The following STAG3 variants were observed in gnomAD, a reference collection of about 807,000 sequenced individuals.
STAG3 encodes cohesin subunit SA-3.
A neutral mutation model predicts 160.7 loss-of-function variants in STAG3; 101 were observed. The observed-to-expected ratio is 0.63, with a 90% CI of 0.54 to 0.74. The LOEUF is 0.74. Among genes scored for constraint, STAG3 ranks in the 30% least tolerant of loss-of-function variants. STAG3 has a pLI of 0.00. For missense variants in STAG3, 1,188 were observed against 1,517.4 expected (o/e 0.78, Z 3.61); for synonymous variants, 519 against 585.0 (o/e 0.89, Z 1.63).
At chr7:100,217,387 C>G (rs1462056486), downstream of STAG3, among the ~76,000 whole-genome samples, 1 of 152,216 alleles carries the variant, frequency 6.6e-6, no homozygotes, top group Admixed American at 6.5e-5. Flanking sequence ...AGGTAGCAGG[C>G]ATGGAGGCCT....
At chr7:100,203,385 C>T (rs1482271523) in intron 25 of STAG3, among the ~76,000 whole-genome samples, 2 of 151,998 alleles carry the variant, frequency 1.3e-5, no homozygotes, top group African/African-American at 4.8e-5. Flanking sequence ...AGGGTTTCAC[C>T]ATCGCCAGGA....
intron 13 of STAG3, 57 bp downstream of exon 13, chr7:100,198,639 A>T (rs1028932975): frequency 2.5e-5 from 38 of 1,521,436 alleles, no homozygotes; most frequent in Middle Eastern, 4.6e-4. Context: ...TCTCTCCTCC[A>T]TCTGCTGCTG....
intron 4 of STAG3, among the ~76,000 whole-genome samples, chr7:100,184,759 C>T (rs1477972221): frequency 1.3e-5 from 2 of 152,022 alleles, no homozygotes; most frequent in Non-Finnish European, 2.9e-5. Context: ...AGCCACCATG[C>T]CTGGCCTTTT....
rs181639718 is a variant in STAG3, at chr7:100,190,076, C to G, written c.867+480C>G. Among the ~76,000 whole-genome samples the G allele has an allele frequency of 4.6e-4, 70 of 152,306 alleles. 1 individual carries two copies. The highest frequency in any genetic ancestry group is 3.4e-3 in the Middle Eastern group (1 of 294). ...CTAGCTCCATAGCCTTATGTAACCT[C>G]TCTTCAGTTTTCTTTTCTTTAAAAA... On this transcript the variant is annotated intron_variant, in intron 8 of 33. Transcript: ENST00000615138.
intron 2 of STAG3, 71 bp downstream of exon 2, chr7:100,180,743 G>T (rs895738001): frequency 2.2e-6 from 2 of 928,028 alleles, no homozygotes; most frequent in East Asian, 4.8e-5. Context: ...TTCCCACATT[G>T]ATGATAATAT....
intron 26 of STAG3, 125 bp downstream of exon 26, chr7:100,204,247 G>A (rs528500571): frequency 4.2e-5 from 30 of 707,532 alleles, no homozygotes; most frequent in African/African-American, 3.9e-4. Flanking sequence ...TTAACTTTAC[G>A]TGATAGGTTC....
chr7:100,198,015 C>T (rs1800801657), intron 11 of STAG3, 72 bp from the exon 12 acceptor site: 2 of 1,566,520 alleles, frequency 1.3e-6, no homozygotes, highest in Non-Finnish European at 1.8e-6. Context: ...CTTTAGGAGT[C>T]TCTGATTCTA....
At chr7:100,204,510 A>G (rs1256704845) in intron 26 of STAG3, 117 bp from the exon 27 acceptor site, 51 of 1,278,662 alleles carry the variant, frequency 4.0e-5, no homozygotes, top group Non-Finnish European at 5.3e-5. Context: ...AAAGAGTAAA[A>G]GTAGTAGATG....
chr7:100,187,269 T>A (rs1800068268), intron 5 of STAG3, among the ~76,000 whole-genome samples: 1 of 152,088 alleles, frequency 6.6e-6, no homozygotes, highest in African/African-American at 2.4e-5. Context: ...GCGATCCCCC[T>A]GCCTCGACCT....
intron 8 of STAG3, among the ~76,000 whole-genome samples, chr7:100,192,622 G>A (rs1268744246): frequency 2.0e-5 from 3 of 152,288 alleles, no homozygotes; most frequent in East Asian, 1.9e-4. Context: ...ACAGGGTCTC[G>A]CTCTGTTGCC....
intron 25 of STAG3, among the ~76,000 whole-genome samples, chr7:100,203,237 T>C (rs1301305779): frequency 1.3e-5 from 2 of 151,376 alleles, no homozygotes; most frequent in Admixed American, 1.3e-4. Context: ...CAGGCTAGAA[T>C]GCAATGGCAC....
rs754494599 is a variant in STAG3, at chr7:100,197,168, T to C, written c.954T>C (p.Pro318=). Residue 318 remains proline, a synonymous_variant, in exon 10 of 34, where the codon CCT becomes CCC. Coordinates refer to ENST00000615138, the MANE Select transcript of STAG3 (RefSeq NM_001282717.2). ...TGTCTGTGTCTAGGGATGTCCTTCC[T>C]GAGATCCGTGCTATCTGCATTGAGG... is the stretch of plus-strand genomic sequence containing the variant. ...VFVHRYRDVL[P]EIRAICIEEI... is the part of the protein sequence containing the mutation. The C allele has an allele frequency of 1.4e-5, 22 of 1,600,980 alleles. No individual in the cohort carries two copies. In the Admixed American group the frequency reaches 2.0e-4, roughly 15 times the overall value.
In STAG3 at chr7:100,202,483, G is replaced by C. The variant is rs942527626; in HGVS notation, c.2593G>C (p.Glu865Gln). The C allele has an allele frequency of 1.2e-6, 2 of 1,614,144 alleles. No individual in the cohort carries two copies. The highest frequency in any genetic ancestry group is 1.7e-6 in the Non-Finnish European group (2 of 1,180,004). Residue 865 changes from glutamate (E) to glutamine (Q), a missense_variant, in exon 25 of 34, where the codon GAG becomes CAG. Transcript: ENST00000615138. ...GDSQEDHLQI[E>Q]RLHQRRRLLA... ...TTCCCAGGAGGATCATTTACAGATA[G>C]AGCGGCTACACCAGCGGCGCCGCCT...
chr7:100,190,798 T>A (rs1398950019), intron 8 of STAG3, among the ~76,000 whole-genome samples: 15 of 152,204 alleles, frequency 9.9e-5, no homozygotes, highest in Non-Finnish European at 5.9e-5. Context: ...CTAGCTTATT[T>A]CCCCATTTTC....
chr7:100,188,830 C>T lies in STAG3; in HGVS notation c.529C>T (p.Leu177Phe). The change falls in exon 7 of 34, where the codon CTC becomes TTC. Residue 177 changes from leucine (L) to phenylalanine (F), a missense_variant. Physicochemically the swap from Leu to Phe is conservative, Grantham distance 22. Coordinates refer to ENST00000615138, the MANE Select transcript of STAG3 (RefSeq NM_001282717.2). ...QFNEDSGDYP[L>F]IAPGPSWKKF... ...TTTGTAGGACTCGGGGGACTACCCT[C>T]TCATAGCTCCAGGTCCATCCTGGAA... 6.2e-7 allele frequency: 1 copy of T among 1,614,146 alleles called. No homozygotes were observed.
At chr7:100,188,729 C>T (rs1800177076) in intron 6 of STAG3, 83 bp from the exon 7 acceptor site, 1 of 1,386,054 alleles carries the variant, frequency 7.2e-7, no homozygotes, top group Non-Finnish European at 1.0e-6. Flanking sequence ...TTTTACTGGA[C>T]TGTTGAGTTT....
At chr7:100,201,190 C>G in intron 20 of STAG3, 30 bp downstream of exon 20, 1 of 1,614,090 alleles carries the variant, frequency 6.2e-7, no homozygotes, top group Non-Finnish European at 8.5e-7. Flanking sequence ...TTCCCCATCC[C>G]GTTTTTACTG....
chr7:100,204,590 C>A (rs575787949), intron 26 of STAG3, 37 bp from the exon 27 acceptor site: 14 of 1,600,870 alleles, frequency 8.7e-6, no homozygotes, highest in Middle Eastern at 1.7e-4. Flanking sequence ...CGCCGTGTTC[C>A]TCCCTTTCCC....
chr7:100,206,291 C>G (rs562913824), intron 29 of STAG3, among the ~76,000 whole-genome samples: 1 of 151,990 alleles, frequency 6.6e-6, no homozygotes, highest in East Asian at 2.0e-4. Flanking sequence ...GCTGGGATTA[C>G]AGGTGTGAGC....
Sources: allele counts gnomAD v4.1 joint callset (sites outside exome capture counted in the v4.1 genomes callset), GRCh38; gene constraint gnomAD v4.1.1; transcripts MANE v1.5; gene names NCBI Gene and HGNC (gene_info 2026-07-23, HGNC 2026-07-21).